RMST: variants seen among roughly 807,000 people sequenced by gnomAD.
The protein encoded by RMST is rhabdomyosarcoma 2 associated transcript.
rs199855708 is a variant in RMST at position 97,468,863 on chromosome 12, C to CA, written n.644+3139dup. Among the ~76,000 whole-genome samples, 44 of 152,072 alleles carry CA rather than the reference C, an allele frequency of 2.9e-4. No individual in the cohort carries two copies. In the East Asian group the frequency reaches 5.0e-3, roughly 17 times the overall value. ...TTCATTTATTCATTCACTCATGCAT[C>CA]AAATGTTGGTTCAGTGCCTACCGTG... On this transcript the variant is annotated intron_variant and non_coding_transcript_variant, in intron 5 of 13. Transcript: ENST00000640149.
chr12:97,530,971 T>C (rs1172778855), intron 11 of RMST: 1 of 151,612 alleles, frequency 6.6e-6, no homozygotes, highest in Non-Finnish European at 1.5e-5. Flanking sequence ...AAAAGATCCG[T>C]ATGCTTTTCG....
intron 13 of RMST, among the ~76,000 whole-genome samples, chr12:97,562,048 A>G (rs549611109): frequency 7.2e-5 from 11 of 152,208 alleles, no homozygotes; most frequent in African/African-American, 2.6e-4. Context: ...AACAGCAACA[A>G]AACTCCCAAG....
intron 11 of RMST, among the ~76,000 whole-genome samples, chr12:97,531,183 AT>A (rs1881590721): frequency 6.6e-6 from 1 of 151,784 alleles, no homozygotes; most frequent in Non-Finnish European, 1.5e-5. Flanking sequence ...GTAGCGTTGG[AT>A]TTATTTTGCT....
rs537840796 is a variant in RMST at position 97,524,075 on chromosome 12, C to CAAAAAAAA, written n.1341-6559_1341-6552dup. Among the ~76,000 whole-genome samples the CAAAAAAAA allele has an allele frequency of 7.8e-3, 439 of 56,106 alleles. 55 individuals are homozygous for CAAAAAAAA. Among genetic ancestry groups the CAAAAAAAA allele is most frequent in the African/African-American group, 0.027 (355 of 12,950 alleles). 36.8% of individuals were successfully genotyped at this position (56,106 alleles called of 152,430 possible). ...TGGGCAACAGAGTGAGACTCTGTCT[C>CAAAAAAAA]AAAAAAAAAAAAAAAAAAAAAAAAA... On this transcript the variant is annotated intron_variant and non_coding_transcript_variant, in intron 10 of 13. Transcript: ENST00000640149.
intron 10 of RMST, among the ~76,000 whole-genome samples, chr12:97,524,735 T>A (rs1341046965): frequency 1.3e-5 from 2 of 152,188 alleles, no homozygotes; most frequent in African/African-American, 4.8e-5. Flanking sequence ...AGTCTGTGAC[T>A]GGGAGCTGAA....
At chr12:97,536,317 CTT>C (rs1301152700) in intron 11 of RMST, among the ~76,000 whole-genome samples, 1 of 150,642 alleles carries the variant, frequency 6.6e-6, no homozygotes, top group Non-Finnish European at 1.5e-5. Context: ...GAAAAAAAAA[CTT>C]TTTTTCTCCT....
At chr12:97,543,850 C>A (rs1246182101) in intron 11 of RMST, among the ~76,000 whole-genome samples, 2 of 151,970 alleles carry the variant, frequency 1.3e-5, no homozygotes, top group Admixed American at 6.6e-5. Context: ...GAAAATAAGT[C>A]ATCTCAGGAA....
At chr12:97,474,585 TAC>T (rs1324246729) in intron 5 of RMST, among the ~76,000 whole-genome samples, 2 of 64,180 alleles carry the variant, frequency 3.1e-5, no homozygotes, top group African/African-American at 6.4e-5. Flanking sequence ...CCTTTAAAAA[TAC>T]ACATTAAGAC....
chr12:97,524,875 G>C (rs1168970988), intron 10 of RMST, among the ~76,000 whole-genome samples: 3 of 152,194 alleles, frequency 2.0e-5, no homozygotes, highest in Non-Finnish European at 4.4e-5. Context: ...TCTCCAATTT[G>C]CATATTTGAA....
chr12:97,520,795 A>T (rs1449669966), intron 10 of RMST, among the ~76,000 whole-genome samples: 3 of 152,182 alleles, frequency 2.0e-5, no homozygotes, highest in Admixed American at 6.5e-5. Flanking sequence ...ATTTTATGAT[A>T]GCATAATATC....
At chr12:97,529,653 A>G (rs149775010) in intron 10 of RMST, among the ~76,000 whole-genome samples, 1,589 of 152,240 alleles carry the variant, frequency 0.01, 29 homozygotes, top group African/African-American at 0.036. Flanking sequence ...TTGCATCAAG[A>G]TAACGGCTTA....
intron 13 of RMST, chr12:97,561,101 T>C (rs1163492830): frequency 6.6e-6 from 1 of 152,256 alleles, no homozygotes; most frequent in Non-Finnish European, 1.5e-5. Flanking sequence ...TCATTTTCTC[T>C]TTTAGGAGCA....
At chr12:97,472,621 T>C (rs180859281) in intron 5 of RMST, among the ~76,000 whole-genome samples, 7 of 152,298 alleles carry the variant, frequency 4.6e-5, no homozygotes, top group African/African-American at 1.7e-4. Context: ...TCTTTGAGAA[T>C]ATTATTTTAT....
chr12:97,557,912 A>G (rs960199529), intron 11 of RMST, among the ~76,000 whole-genome samples: 9 of 152,208 alleles, frequency 5.9e-5, no homozygotes, highest in Admixed American at 4.6e-4. Context: ...CAGGAGCCCA[A>G]TAAGACAGGC....
At chr12:97,520,506 T>C (rs1254936903) in intron 10 of RMST, among the ~76,000 whole-genome samples, 1 of 152,096 alleles carries the variant, frequency 6.6e-6, no homozygotes, top group East Asian at 1.9e-4. Flanking sequence ...TGCTCCTAAA[T>C]TAAATTTAAA....
At chr12:97,466,813 T>C (rs1037539131) in intron 5 of RMST, among the ~76,000 whole-genome samples, 1 of 152,140 alleles carries the variant, frequency 6.6e-6, no homozygotes, top group Non-Finnish European at 1.5e-5. Flanking sequence ...TTTATCCTTA[T>C]GTAAAAGTTA....
intron 10 of RMST, among the ~76,000 whole-genome samples, chr12:97,510,557 A>G (rs1879168469): frequency 6.6e-6 from 1 of 152,244 alleles, no homozygotes; most frequent in African/African-American, 2.4e-5. Context: ...TTATTCAAAG[A>G]GGTGATTATC....
At chr12:97,473,020 A>G (rs913875527) in intron 5 of RMST, among the ~76,000 whole-genome samples, 1 of 152,166 alleles carries the variant, frequency 6.6e-6, no homozygotes, top group Non-Finnish European at 1.5e-5. Context: ...GAAAACCTTG[A>G]AGAACTAATT....
At chr12:97,463,017 GTCTCTCTCTCTCTCTC>G (rs140034393) in intron 3 of RMST, 58 of 129,942 alleles carry the variant, frequency 4.5e-4, no homozygotes, top group East Asian at 8.0e-4. Context: ...CAAGTCAGCA[GTCTCTCTCTCTCTCTC>G]TCTCTCTCTC....
Sources: gnomAD v4.1 joint callset for allele counts (sites outside exome capture counted in the v4.1 genomes callset) on GRCh38, gnomAD v4.1.1 for gene constraint, MANE v1.5 for transcripts, NCBI Gene and HGNC (gene_info 2026-07-23, HGNC 2026-07-21) for gene names.